The following ATP8B1 variants were observed in gnomAD, a reference collection of about 807,000 sequenced individuals.
The protein encoded by ATP8B1 is phospholipid-transporting ATPase IC.
A neutral mutation model predicts 149.9 loss-of-function variants in ATP8B1; 80 were observed. That is an observed-to-expected ratio of 0.53 (90% CI 0.45 to 0.64). The LOEUF (loss-of-function observed/expected upper bound fraction) is 0.64, where lower values mean the gene tolerates loss of function less well. Ranked by LOEUF, ATP8B1 falls within the 30% of genes least tolerant of loss-of-function variation. The pLI, the probability that ATP8B1 is intolerant of heterozygous loss-of-function variation, is 0.00. For missense variants in ATP8B1, 1,247 were observed against 1,552.6 expected (o/e 0.80, Z 3.31); for synonymous variants, 536 against 562.8 (o/e 0.95, Z 0.67).
At chr18:57,727,954 A>G (rs1028186865) in intron 2 of ATP8B1, among the ~76,000 whole-genome samples, 2 of 152,282 alleles carry the variant, frequency 1.3e-5, no homozygotes, top group South Asian at 4.2e-4. Flanking sequence ...ATCTTTACAC[A>G]AAGGGTAAAG....
At chr18:57,665,993 A>G (rs1317777206) in intron 20 of ATP8B1, among the ~76,000 whole-genome samples, 5 of 152,194 alleles carry the variant, frequency 3.3e-5, no homozygotes, top group Non-Finnish European at 7.3e-5. Flanking sequence ...GGAATACCTA[A>G]TATACTAGAA....
intron 15 of ATP8B1, among the ~76,000 whole-genome samples, chr18:57,678,502 G>A (rs551207685): frequency 2.0e-5 from 3 of 148,024 alleles, no homozygotes; most frequent in Non-Finnish European, 4.5e-5. Flanking sequence ...CAGGAGAATC[G>A]CATAAACCCG....
chr18:57,798,187 C>A (rs1011461355), intron 1 of ATP8B1, among the ~76,000 whole-genome samples: 1 of 152,172 alleles, frequency 6.6e-6, no homozygotes, highest in African/African-American at 2.4e-5. Context: ...GAAAACCACA[C>A]AGGGAGCAAT....
At chr18:57,779,456 AG>A (rs1406286888) in intron 1 of ATP8B1, among the ~76,000 whole-genome samples, 1 of 152,234 alleles carries the variant, frequency 6.6e-6, no homozygotes, top group Admixed American at 6.5e-5. Flanking sequence ...GGCTCCCAGA[AG>A]GGGCAAAAAT....
At chr18:57,769,055 T>C (rs1419542297) in intron 1 of ATP8B1, among the ~76,000 whole-genome samples, 1 of 152,190 alleles carries the variant, frequency 6.6e-6, no homozygotes, top group African/African-American at 2.4e-5. Flanking sequence ...CTTATCTTGA[T>C]GGTGAGTGAC....
chr18:57,695,445 C>T lies in ATP8B1; in HGVS notation c.781+5G>A, dbSNP rs1912760531. 1 of 1,609,916 alleles carries T rather than the reference C, an allele frequency of 6.2e-7. No homozygotes were observed. Among genetic ancestry groups the T allele is most frequent in the Non-Finnish European group, 8.5e-7 (1 of 1,176,260 alleles). Reference sequence around the variant, plus strand: ...AAAGCAAAGTAAGACATGTTTGGTACAAACCATCAAATGTAGCCAATGTAT... The same window carrying T: ...AAAGCAAAGTAAGACATGTTTGGTATAAACCATCAAATGTAGCCAATGTAT... On this transcript the variant is annotated splice_donor_5th_base_variant and intron_variant, in intron 9 of 27. Transcript: ENST00000648908.
At chr18:57,749,737 A>T (rs1030982822) in intron 1 of ATP8B1, among the ~76,000 whole-genome samples, 1 of 151,848 alleles carries the variant, frequency 6.6e-6, no homozygotes, top group Non-Finnish European at 1.5e-5. Flanking sequence ...CCAGCAACCA[A>T]TCTCCTTCCC....
At chr18:57,684,953 A>T in intron 14 of ATP8B1, 119 bp downstream of exon 14, 1 of 1,298,938 alleles carries the variant, frequency 7.7e-7, no homozygotes, top group Non-Finnish European at 1.1e-6. Flanking sequence ...GTGGGCAACC[A>T]CCAGGAGCAG....
At chr18:57,736,290 C>A (rs1453076102) in intron 1 of ATP8B1, among the ~76,000 whole-genome samples, 1 of 152,096 alleles carries the variant, frequency 6.6e-6, no homozygotes, top group African/African-American at 2.4e-5. Flanking sequence ...CTGTTGATTG[C>A]TTCCCTTGCT....
At chr18:57,692,209 A>G (rs1411056991) in intron 11 of ATP8B1, among the ~76,000 whole-genome samples, 2 of 152,196 alleles carry the variant, frequency 1.3e-5, no homozygotes. Context: ...CATCTCCCAT[A>G]GAAGGTAAGG....
intron 2 of ATP8B1, among the ~76,000 whole-genome samples, chr18:57,728,030 GTCCT>G: frequency 6.6e-6 from 1 of 152,272 alleles, no homozygotes; most frequent in East Asian, 1.9e-4. Flanking sequence ...GTTTGTGCCT[GTCCT>G]TCCTTCTCAC....
intron 3 of ATP8B1, 102 bp downstream of exon 3, chr18:57,706,388 G>A (rs1913394380): frequency 2.3e-6 from 2 of 865,802 alleles, no homozygotes; most frequent in Non-Finnish European, 3.8e-6. Flanking sequence ...CCCCAGGCAG[G>A]TGGTTACGTG....
chr18:57,649,109 G>A (rs1909417823), intron 27 of ATP8B1, among the ~76,000 whole-genome samples: 1 of 151,916 alleles, frequency 6.6e-6, no homozygotes, highest in South Asian at 2.1e-4. Flanking sequence ...TGTTGGCCAG[G>A]CTGGTCCTGA....
chr18:57,750,242 C>T (rs1279968672), intron 1 of ATP8B1, among the ~76,000 whole-genome samples: 2 of 151,368 alleles, frequency 1.3e-5, no homozygotes, highest in Non-Finnish European at 2.9e-5. Context: ...GATTCCATCT[C>T]AAAAAAAGAA....
At chr18:57,656,566 G>T (rs942536877) in intron 22 of ATP8B1, among the ~76,000 whole-genome samples, 1 of 151,654 alleles carries the variant, frequency 6.6e-6, no homozygotes, top group Admixed American at 6.6e-5. Context: ...TTGTAGAGAC[G>T]GGGTTTCACC....
At chr18:57,648,775 A>AGACGGTT (rs1909373724) in intron 27 of ATP8B1, 63 bp from the exon 28 acceptor site, 1 of 1,503,090 alleles carries the variant, frequency 6.7e-7, no homozygotes, top group Non-Finnish European at 9.0e-7. Context: ...AGGCCTGGCC[A>AGACGGTT]GACGGTTGAC....
intron 1 of ATP8B1, among the ~76,000 whole-genome samples, chr18:57,792,936 C>A (rs569044469): frequency 6.6e-6 from 1 of 152,130 alleles, no homozygotes; most frequent in Admixed American, 6.5e-5. Context: ...GGTTACAGAC[C>A]GCCCTCCTGT....
chr18:57,726,517 C>A (rs895140149), intron 2 of ATP8B1, among the ~76,000 whole-genome samples: 3 of 152,188 alleles, frequency 2.0e-5, no homozygotes, highest in Admixed American at 2.0e-4. Context: ...TGGGTCCAGG[C>A]ACCTAGAGAG....
intron 11 of ATP8B1, among the ~76,000 whole-genome samples, chr18:57,693,214 A>G (rs1245714467): frequency 6.6e-6 from 1 of 152,222 alleles, no homozygotes; most frequent in Non-Finnish European, 1.5e-5. Context: ...TTCAAATTGA[A>G]TTAAATACTT....
Sources: gnomAD v4.1 joint callset for allele counts (sites outside exome capture counted in the v4.1 genomes callset) on GRCh38, gnomAD v4.1.1 for gene constraint, MANE v1.5 for transcripts, NCBI Gene and HGNC (gene_info 2026-07-23, HGNC 2026-07-21) for gene names.